SLC36A1: variants seen among roughly 807,000 people sequenced by gnomAD.
SLC36A1 encodes the protein proton-coupled amino acid transporter 1.
In SLC36A1, 30 loss-of-function variants were observed where a neutral mutation model predicts 47.5. That is an observed-to-expected ratio of 0.63 (90% confidence interval 0.47 to 0.86). The LOEUF (loss-of-function observed/expected upper bound fraction) is 0.86, where lower values mean the gene tolerates loss of function less well. Among genes scored for constraint, SLC36A1 ranks in the 40% least tolerant of loss-of-function variants. The probability of loss-of-function intolerance (pLI) is 0.00; values close to 1 mark genes in which losing one functional copy is unlikely to be tolerated. For missense variants in SLC36A1, 517 were observed against 606.0 expected, an observed-to-expected ratio of 0.85 and a Z score of 1.54; for synonymous variants, 255 against 249.7, an observed-to-expected ratio of 1.02 and a Z score of -0.20.
chr5:151,374,398 C>T, the SLC36A1 span, among the ~76,000 whole-genome samples: 1 of 151,952 alleles, frequency 6.6e-6, no homozygotes, highest in African/African-American at 2.4e-5. Context: ...GGGTTCGAAC[C>T]GATACAAGAA....
At chr5:151,494,987 A>G (rs912203410), downstream of SLC36A1, among the ~76,000 whole-genome samples, 1 of 152,164 alleles carries the variant, frequency 6.6e-6, no homozygotes, top group Non-Finnish European at 1.5e-5. Context: ...GTGTAGACCT[A>G]TGTTTTTATT....
chr5:151,534,554 C>CGATAGGT, the SLC36A1 span: 1 of 1,614,088 alleles, frequency 6.2e-7, no homozygotes. Context: ...CTGCCTGGCA[C>CGATAGGT]GATCGGCCAC....
chr5:151,416,635 C>G, the SLC36A1 span, among the ~76,000 whole-genome samples: 6 of 147,952 alleles, frequency 4.1e-5, no homozygotes, highest in Non-Finnish European at 7.5e-5. Flanking sequence ...AACAAAACAG[C>G]TCTGTTGTCA....
intron 10 of SLC36A1, chr5:151,479,853 G>C (rs761454503): frequency 5.7e-6 from 3 of 528,100 alleles, no homozygotes; most frequent in Non-Finnish European, 9.9e-6. Context: ...CTCTGATGAA[G>C]GGTACTTATT....
At chr5:151,399,028 A>T in the SLC36A1 span, among the ~76,000 whole-genome samples, 2 of 143,150 alleles carry the variant, frequency 1.4e-5, no homozygotes, top group Non-Finnish European at 3.0e-5. Flanking sequence ...GCATGTGTGT[A>T]TTTTAATGTG....
intron 7 of SLC36A1, among the ~76,000 whole-genome samples, chr5:151,468,266 A>AATATATATATATAT (rs1554113501): frequency 1.6e-5 from 1 of 63,816 alleles, no homozygotes; most frequent in Admixed American, 1.8e-4. Context: ...AAAAAAAAAA[A>AATATATATATATAT]ATATATATAT....
At chr5:151,423,743 A>G in the SLC36A1 span, among the ~76,000 whole-genome samples, 1 of 152,360 alleles carries the variant, frequency 6.6e-6, no homozygotes, top group Non-Finnish European at 1.5e-5. Context: ...CAAAAAACAT[A>G]GAATGTGCAA....
the SLC36A1 span, among the ~76,000 whole-genome samples, chr5:151,404,059 A>C: frequency 6.6e-6 from 1 of 152,202 alleles, no homozygotes; most frequent in Non-Finnish European, 1.5e-5. Context: ...GTGTTTTCAT[A>C]GGTCTGGAAG....
the SLC36A1 span, among the ~76,000 whole-genome samples, chr5:151,410,833 G>C: frequency 6.9e-6 from 1 of 144,290 alleles, no homozygotes; most frequent in East Asian, 2.4e-4. Flanking sequence ...TGACATTCAG[G>C]GCCAGATAAT....
Position 151,467,874 on chromosome 5 carries a change from C to T in SLC36A1, c.672C>T (p.Ala224=). 1 of 1,613,892 alleles carries T rather than the reference C, an allele frequency of 6.2e-7. No individual in the cohort carries two copies. Among genetic ancestry groups the T allele is most frequent in the Non-Finnish European group, 8.5e-7 (1 of 1,179,988 alleles). Residue 224 remains alanine, a synonymous_variant, in exon 7 of 11, where the codon GCC becomes GCT. Coordinates refer to ENST00000243389, the MANE Select transcript of SLC36A1 (RefSeq NM_078483.4). ...CCCTGTCCATCTTCTCCCTGTTGGC[C>T]AACATCACCATGCTGGTCAGCTTGG... ...LRALSIFSLL[A]NITMLVSLVM...
At chr5:151,550,494 T>C in the SLC36A1 span, 3 of 1,384,960 alleles carry the variant, frequency 2.2e-6, no homozygotes, top group Non-Finnish European at 3.0e-6. Flanking sequence ...ATGGTCCTTA[T>C]GAGGGGAAGG....
At chr5:151,396,250 C>T in the SLC36A1 span, among the ~76,000 whole-genome samples, 2 of 151,964 alleles carry the variant, frequency 1.3e-5, no homozygotes, top group East Asian at 1.9e-4. Context: ...GTAGCTGGGA[C>T]TGCATGTGTG....
intron 4 of SLC36A1, 130 bp from the exon 5 acceptor site, chr5:151,464,944 C>G: frequency 1.4e-6 from 1 of 719,826 alleles, no homozygotes; most frequent in Non-Finnish European, 2.5e-6. Flanking sequence ...GCACGAGATA[C>G]AGGACTCAGA....
chr5:151,369,904 C>T, the SLC36A1 span, among the ~76,000 whole-genome samples: 9 of 152,348 alleles, frequency 5.9e-5, 1 homozygote, highest in South Asian at 1.9e-3. Context: ...AAGCCATTCT[C>T]ATGCCTCAGC....
the SLC36A1 span, chr5:151,509,843 GA>G: frequency 3.0e-6 from 2 of 660,448 alleles, no homozygotes; most frequent in Non-Finnish European, 5.3e-6. Context: ...TGTCTTCCAT[GA>G]AACCGGTCCC....
rs200178642 is a variant in SLC36A1, at chr5:151,458,852, C to T, written c.60C>T (p.Ser20=). The change falls in exon 2 of 11, where the codon AGC becomes AGT. Residue 20 remains serine (S), a synonymous_variant. Transcript: ENST00000243389. ...DYHDYSSTDV[S]PEESPSEGLN... Reference sequence around the variant, plus strand: ...ACGACTACAGCTCCACGGACGTGAGCCCTGAGGAGAGCCCGTCGGAAGGCC... The same window carrying T: ...ACGACTACAGCTCCACGGACGTGAGTCCTGAGGAGAGCCCGTCGGAAGGCC... 10 of 1,614,128 alleles carry T rather than the reference C, an allele frequency of 6.2e-6. No individual in the cohort carries two copies. Among genetic ancestry groups the T allele is most frequent in the Non-Finnish European group, 8.5e-6 (10 of 1,180,004 alleles).
At chr5:151,372,124 G>A in the SLC36A1 span, among the ~76,000 whole-genome samples, 2 of 152,098 alleles carry the variant, frequency 1.3e-5, no homozygotes, top group East Asian at 3.9e-4. Flanking sequence ...CCTAGTTTCC[G>A]TAATTCCAAA....
At chr5:151,374,189 C>T in the SLC36A1 span, among the ~76,000 whole-genome samples, 1 of 152,154 alleles carries the variant, frequency 6.6e-6, no homozygotes, top group African/African-American at 2.4e-5. Flanking sequence ...CCCTGAAGAT[C>T]GAGAAAGAGT....
At chr5:151,552,268 G>A in the SLC36A1 span, among the ~76,000 whole-genome samples, 9 of 152,042 alleles carry the variant, frequency 5.9e-5, no homozygotes, top group Non-Finnish European at 8.8e-5. Context: ...TTACAGGTGC[G>A]AGCCACTGTG....
Sources: allele counts gnomAD v4.1 joint callset (sites outside exome capture counted in the v4.1 genomes callset), GRCh38; gene constraint gnomAD v4.1.1; transcripts MANE v1.5; gene names NCBI Gene and HGNC (gene_info 2026-07-23, HGNC 2026-07-21).